SKI: variants seen among roughly 807,000 people sequenced by gnomAD.
SKI encodes the protein ski oncogene.
Under a neutral mutation model 59.3 loss-of-function variants are expected in SKI, and 23 were observed. The observed-to-expected ratio is 0.39, with a 90% CI of 0.28 to 0.55. The LOEUF is 0.55. Ranked by LOEUF, SKI falls within the 20% of genes least tolerant of loss-of-function variation. SKI has a pLI of 0.67. For synonymous variants in SKI, 673 were observed against 488.6 expected, an observed-to-expected ratio of 1.38 and a Z score of -4.98; for missense variants, 1,017 against 1,038.9, an observed-to-expected ratio of 0.98 and a Z score of 0.29.
At chr1:2,278,224 C>A (rs1639788164) in intron 1 of SKI, among the ~76,000 whole-genome samples, 1 of 152,206 alleles carries the variant, frequency 6.6e-6, no homozygotes, top group Non-Finnish European at 1.5e-5. Flanking sequence ...ATGGGCAGGG[C>A]TGTCTGAACA....
chr1:2,250,481 C>G (rs1435625901), intron 1 of SKI, among the ~76,000 whole-genome samples: 1 of 152,204 alleles, frequency 6.6e-6, no homozygotes, highest in African/African-American at 2.4e-5. Flanking sequence ...TGAGAAATCT[C>G]CAAACCTACA....
intron 1 of SKI, among the ~76,000 whole-genome samples, chr1:2,253,764 C>T (rs553365497): frequency 8.8e-4 from 134 of 152,318 alleles, no homozygotes; most frequent in African/African-American, 3.1e-3. Context: ...CCTGGTGCGG[C>T]CCTGGCTTGA....
chr1:2,296,473 A>G (rs1050050894), intron 1 of SKI, among the ~76,000 whole-genome samples: 1 of 152,212 alleles, frequency 6.6e-6, no homozygotes, highest in Admixed American at 6.5e-5. Context: ...GCGTTTCCAC[A>G]GTGAATGATG....
chr1:2,259,677 C>A (rs184775629), intron 1 of SKI, among the ~76,000 whole-genome samples: 11 of 152,296 alleles, frequency 7.2e-5, no homozygotes, highest in Admixed American at 6.5e-4. Context: ...TGAACCTGTC[C>A]GTCACCCAGA....
intron 1 of SKI, among the ~76,000 whole-genome samples, chr1:2,230,478 G>T (rs977348590): frequency 3.3e-5 from 5 of 152,176 alleles, no homozygotes; most frequent in Non-Finnish European, 1.5e-5. Flanking sequence ...AGGCTCCTGG[G>T]CCCGCGTGCT....
At chr1:2,232,950 C>T (rs1286708130) in intron 1 of SKI, among the ~76,000 whole-genome samples, 2 of 152,138 alleles carry the variant, frequency 1.3e-5, no homozygotes, top group East Asian at 3.9e-4. Context: ...CCGGTCGGCT[C>T]GCCTCCTTCC....
chr1:2,306,193 C>G lies in SKI; in HGVS notation c.1941C>G (p.Ala647=). 6.3e-7 allele frequency: 1 copy of G among 1,583,930 alleles called. No homozygotes were observed. Among genetic ancestry groups the G allele is most frequent in the South Asian group, 1.1e-5 (1 of 87,190 alleles). The change falls in exon 6 of 7, where the codon GCC becomes GCG. Residue 647 remains alanine, a synonymous_variant. Coordinates refer to ENST00000378536, the MANE Select transcript of SKI (RefSeq NM_003036.4). ...GGGAGCTGGAGCAGGCGCGGCAGGC[C>G]CGGGTGTGCGACAAGGGCTGCGAGG... ...LKRELEQARQ[A]RVCDKGCEAG...
intron 1 of SKI, among the ~76,000 whole-genome samples, chr1:2,300,059 C>T (rs904142447): frequency 2.6e-5 from 4 of 152,166 alleles, no homozygotes; most frequent in South Asian, 2.1e-4. Flanking sequence ...GTCTTGGGCC[C>T]GCTATTCCTC....
chr1:2,304,192 G>C, intron 4 of SKI, 90 bp downstream of exon 4: 1 of 1,576,510 alleles, frequency 6.3e-7, no homozygotes, highest in Non-Finnish European at 8.6e-7. Context: ...GTGCGTTGGT[G>C]GCCCCATGTT....
At chr1:2,288,204 C>G (rs1031279486) in intron 1 of SKI, among the ~76,000 whole-genome samples, 4 of 152,172 alleles carry the variant, frequency 2.6e-5, no homozygotes, top group Non-Finnish European at 4.4e-5. Context: ...CCAGGCTGGT[C>G]TCGAACTTCT....
chr1:2,240,906 C>G, intron 1 of SKI: 5 of 634,664 alleles, frequency 7.9e-6, no homozygotes, highest in Non-Finnish European at 9.8e-6. Flanking sequence ...CCCCAATCCT[C>G]CTCAGCTGTG....
chr1:2,307,377 C>CCCCG lies in SKI; in HGVS notation c.*619_*622dup, dbSNP rs1213321888. 3 of 152,500 alleles carry CCCCG rather than the reference C, an allele frequency of 2.0e-5. No homozygotes were observed. Among genetic ancestry groups the CCCCG allele is most frequent in the Non-Finnish European group, 4.4e-5 (3 of 68,132 alleles). 9.4% of individuals were successfully genotyped at this position (152,500 alleles called of 1,614,324 possible). A position where few individuals can be genotyped will look rare whatever the true frequency, so the allele number is the denominator to read the frequency against. On this transcript the variant is annotated 3_prime_UTR_variant, in exon 7 of 7. Coordinates refer to ENST00000378536, the MANE Select transcript of SKI (RefSeq NM_003036.4). ...ACACTGCCCGCCTTACTGCCGCCTA[C>CCCCG]CCCGCCCGCCACGCCGCCGTCGATG...
intron 1 of SKI, among the ~76,000 whole-genome samples, chr1:2,271,517 G>T (rs1639618767): frequency 2.0e-5 from 3 of 152,178 alleles, no homozygotes; most frequent in Admixed American, 6.5e-5. Context: ...ATGCTGGCAG[G>T]TTCCGCGGAG....
intron 1 of SKI, among the ~76,000 whole-genome samples, chr1:2,301,137 C>T (rs958882412): frequency 2.0e-5 from 3 of 152,180 alleles, no homozygotes; most frequent in African/African-American, 7.2e-5. Flanking sequence ...AGCCGGGCGT[C>T]CTCGGCCTTC....
chr1:2,240,425 G>T (rs1374741360), intron 1 of SKI: 22 of 945,490 alleles, frequency 2.3e-5, no homozygotes, highest in Non-Finnish European at 2.5e-5. Context: ...ACTCTGAACT[G>T]CCAGAAGCAC....
At chr1:2,252,086 G>C (rs555412188) in intron 1 of SKI, among the ~76,000 whole-genome samples, 12 of 152,312 alleles carry the variant, frequency 7.9e-5, no homozygotes, top group African/African-American at 2.4e-4. Flanking sequence ...CCAGGTCTCT[G>C]TGCACCCCCC....
In SKI at chr1:2,303,297, G is replaced by A; in HGVS notation, c.1108G>A (p.Val370Ile). 1 of 1,613,714 alleles carries A rather than the reference G, an allele frequency of 6.2e-7. No homozygotes were observed. Among genetic ancestry groups the A allele is most frequent in the South Asian group, 1.1e-5 (1 of 91,086 alleles). ...AGSSNKSLGC[V>I]HPRQRLSAFR... ...TCTTTCTCGACAGAGCCTGGGCTGT[G>A]TTCACCCTCGCCAGCGCCTCTCTGC... Residue 370 changes from valine (V) to isoleucine (I), a missense_variant, in exon 3 of 7, where the codon GTT becomes ATT. By Grantham distance (29) the Val-to-Ile change is conservative. Coordinates refer to ENST00000378536, the MANE Select transcript of SKI (RefSeq NM_003036.4). This position sits in a 1 kb window ranked among gnomAD's most constrained non-coding sequence, Gnocchi z 5.6.
At position 2,270,891 on chromosome 1, in the gene SKI, T is replaced by C. The variant is rs1048496787; in HGVS notation, c.970-32087T>C. ...TCCTGCCCCAGGGCACCTGGCCCTGTCCCGGGCCACCCCAGGCTGGACCAG... is the reference window on the plus strand; with the variant it reads ...TCCTGCCCCAGGGCACCTGGCCCTGCCCCGGGCCACCCCAGGCTGGACCAG... On this transcript the variant is annotated intron_variant, in intron 1 of 6. Transcript: ENST00000378536. This position sits in a 1 kb window ranked among gnomAD's most constrained non-coding sequence, Gnocchi z 4.1. 6.6e-6 allele frequency among the ~76,000 whole-genome samples: 1 copy of C among 152,138 alleles called. No homozygotes were observed. The highest frequency in any genetic ancestry group is 2.4e-5 in the African/African-American group (1 of 41,440).
intron 5 of SKI, 148 bp from the exon 6 acceptor site, chr1:2,305,871 CG>C (rs1193440892): frequency 1.4e-6 from 1 of 706,314 alleles, no homozygotes; most frequent in Non-Finnish European, 2.5e-6. Flanking sequence ...GGGCACCACA[CG>C]GGTTGGGCTG....
Sources: gnomAD v4.1 joint callset for allele counts (sites outside exome capture counted in the v4.1 genomes callset) on GRCh38, gnomAD v4.1.1 for gene constraint, Gnocchi (gnomAD v3.1) non-coding constraint, MANE v1.5 for transcripts, NCBI Gene and HGNC (gene_info 2026-07-23, HGNC 2026-07-21) for gene names.